OCA2: variants seen among roughly 807,000 people sequenced by gnomAD.
The protein encoded by OCA2 is OCA2 melanosomal transmembrane protein.
OCA2 carries 77 observed loss-of-function variants against 100.2 expected under a neutral mutation model. The observed-to-expected ratio is 0.77, with a 90% CI of 0.64 to 0.93. OCA2 has a LOEUF of 0.93. Among genes scored for constraint, OCA2 ranks in the 40% least tolerant of loss-of-function variants. The pLI is 0.00. For missense variants in OCA2, 1,062 were observed against 1,089.1 expected (o/e 0.98, Z 0.35); for synonymous variants, 432 against 439.2 (o/e 0.98, Z 0.21).
intron 23 of OCA2, among the ~76,000 whole-genome samples, chr15:27,825,554 G>A (rs1001983569): frequency 3.3e-5 from 5 of 152,160 alleles, no homozygotes; most frequent in Non-Finnish European, 7.4e-5. Context: ...GAAAGGAGGT[G>A]GAGTGATGGT....
intron 17 of OCA2, 21 bp from the exon 18 acceptor site, chr15:27,951,913 C>T (rs369370579): frequency 1.3e-6 from 2 of 1,510,020 alleles, no homozygotes; most frequent in African/African-American, 1.4e-5. Context: ...GAAACCACAG[C>T]TCATTTACTC....
At chr15:27,816,343 G>T (rs2034298878) in intron 23 of OCA2, among the ~76,000 whole-genome samples, 1 of 152,254 alleles carries the variant, frequency 6.6e-6, no homozygotes, top group Non-Finnish European at 1.5e-5. Flanking sequence ...TCTTTCTCCA[G>T]CAGCCCTGAG....
intron 2 of OCA2, among the ~76,000 whole-genome samples, chr15:28,060,162 C>T (rs982487039): frequency 6.6e-6 from 1 of 152,184 alleles, no homozygotes; most frequent in Non-Finnish European, 1.5e-5. Context: ...CGGCCCCGCA[C>T]TGAGGCAGGT....
chr15:27,824,030 T>TA (rs1324821990), intron 23 of OCA2, among the ~76,000 whole-genome samples: 1 of 152,204 alleles, frequency 6.6e-6, no homozygotes, highest in African/African-American at 2.4e-5. Context: ...AAATGCATCA[T>TA]AAAATCTTAA....
At position 27,755,413 on chromosome 15, in the gene OCA2, G is replaced by A. The variant is rs1331325072; in HGVS notation, c.2492C>T (p.Ala831Val). The change falls in exon 24 of 24, where the codon GCT becomes GTT. Residue 831 changes from alanine to valine, a missense_variant. By Grantham distance (64) the Ala-to-Val change is moderately conservative (BLOSUM62 0). Transcript: ENST00000354638. ...TTAATTCCATCCCACCACCACATGA[G>A]CCACAAGGAGATAACACATCCCAAC... Reference protein sequence around the residue: ...CTVGMCYLLVAHVVVGWN With the variant: ...CTVGMCYLLVVHVVVGWN 1 of 1,613,532 alleles carries A rather than the reference G, an allele frequency of 6.2e-7. No individual in the cohort carries two copies. The highest frequency in any genetic ancestry group is 1.7e-5 in the Admixed American group (1 of 60,026).
At chr15:27,895,013 C>T (rs1236840664) in intron 19 of OCA2, among the ~76,000 whole-genome samples, 1 of 152,206 alleles carries the variant, frequency 6.6e-6, no homozygotes, top group East Asian at 1.9e-4. Flanking sequence ...ACTCATACCA[C>T]AAACCAGCCA....
chr15:27,995,468 C>T (rs1017674064), intron 9 of OCA2, among the ~76,000 whole-genome samples: 3 of 151,710 alleles, frequency 2.0e-5, no homozygotes, highest in Non-Finnish European at 4.4e-5. Context: ...TCAAAGCTCC[C>T]TTTAGTCTTG....
chr15:27,870,386 C>A (rs769595637), intron 21 of OCA2, among the ~76,000 whole-genome samples: 1 of 152,142 alleles, frequency 6.6e-6, no homozygotes, highest in African/African-American at 2.4e-5. Flanking sequence ...TGTGCAAGCC[C>A]CTGGGCCTAT....
At chr15:28,025,004 G>T in intron 4 of OCA2, 102 bp from the exon 5 acceptor site, 2 of 1,080,490 alleles carry the variant, frequency 1.9e-6, no homozygotes, top group Non-Finnish European at 2.8e-6. Flanking sequence ...CTCAAAGCAT[G>T]TGTTTTGAAT....
intron 9 of OCA2, among the ~76,000 whole-genome samples, chr15:27,992,002 TTTTG>T (rs1373653324): frequency 1.3e-5 from 2 of 152,354 alleles, no homozygotes; most frequent in African/African-American, 2.4e-5. Context: ...TTAAGAGTTG[TTTTG>T]TTTGTTTTAA....
At chr15:27,775,294 C>G (rs1285911693) in intron 23 of OCA2, among the ~76,000 whole-genome samples, 1 of 152,188 alleles carries the variant, frequency 6.6e-6, no homozygotes, top group Non-Finnish European at 1.5e-5. Flanking sequence ...GAAGCTCGTC[C>G]TCTGTCACGT....
At chr15:28,044,936 G>T (rs2043305233) in intron 2 of OCA2, among the ~76,000 whole-genome samples, 1 of 151,916 alleles carries the variant, frequency 6.6e-6, no homozygotes, top group African/African-American at 2.4e-5. Flanking sequence ...TTAATACTTA[G>T]AATTGGTTCC....
chr15:27,740,468 T>G, the OCA2 span, among the ~76,000 whole-genome samples: 79,366 of 151,844 alleles, frequency 0.52, 21,504 homozygotes, highest in African/African-American at 0.58. Flanking sequence ...CACTCGTGCA[T>G]CTGGTCATCT....
At chr15:27,734,133 T>G in the OCA2 span, among the ~76,000 whole-genome samples, 1 of 140,296 alleles carries the variant, frequency 7.1e-6, no homozygotes, top group African/African-American at 2.7e-5. Context: ...GCACTCCAGA[T>G]AGAGTGAGGC....
At chr15:27,841,458 T>A (rs543609153) in intron 23 of OCA2, among the ~76,000 whole-genome samples, 1 of 152,336 alleles carries the variant, frequency 6.6e-6, no homozygotes, top group African/African-American at 2.4e-5. Flanking sequence ...CACAAAGGGC[T>A]CACAGAATCT....
intron 2 of OCA2, among the ~76,000 whole-genome samples, chr15:28,033,498 A>C (rs1024722163): frequency 6.6e-6 from 1 of 152,190 alleles, no homozygotes. Context: ...AGTTGTGTCT[A>C]ACACCAGCAC....
At chr15:28,028,220 T>C (rs953802875) in intron 3 of OCA2, among the ~76,000 whole-genome samples, 161 bp from the exon 4 acceptor site, 3 of 152,210 alleles carry the variant, frequency 2.0e-5, no homozygotes, top group African/African-American at 7.2e-5. Context: ...GAATGGGTTT[T>C]TTTGTGACCT....
rs991738717 is a variant in OCA2 at position 28,090,056 on chromosome 15, C to T, written c.-21-8161G>A. On this transcript the variant is annotated intron_variant, in intron 1 of 23. Transcript: ENST00000354638. The stretch of plus-strand genomic sequence containing the variant: ...AAGAAAGTAGGAGCGGTTATATTCA[C>T]GTAATATATGCTAAACTTCAAGGCA... Among the ~76,000 whole-genome samples, 8 of 152,268 alleles carry T rather than the reference C, an allele frequency of 5.3e-5. 1 individual carries two copies. In the South Asian group the frequency reaches 1.5e-3, roughly 28 times the overall value.
intron 15 of OCA2, among the ~76,000 whole-genome samples, chr15:27,958,791 C>A (rs189867927): frequency 4.5e-4 from 68 of 152,266 alleles, no homozygotes; most frequent in African/African-American, 1.6e-3. Flanking sequence ...CCATCCCTTA[C>A]GTGCAATACT....
Sources: gnomAD v4.1 joint callset for allele counts (sites outside exome capture counted in the v4.1 genomes callset) on GRCh38, gnomAD v4.1.1 for gene constraint, MANE v1.5 for transcripts, NCBI Gene and HGNC (gene_info 2026-07-23, HGNC 2026-07-21) for gene names.